VCF1: variants seen among roughly 807,000 people sequenced by gnomAD.
VCF1 encodes VCP nuclear cofactor family member 1.
At chr17:73,217,639 ACT>A in the VCF1 span, among the ~76,000 whole-genome samples, 1 of 149,906 alleles carries the variant, frequency 6.7e-6, no homozygotes, top group African/African-American at 2.5e-5. Flanking sequence ...ACAGAGTGAG[ACT>A]CTGCCTCAAA....
the VCF1 span, chr17:73,212,694 T>A: frequency 6.3e-7 from 1 of 1,597,048 alleles, no homozygotes. Flanking sequence ...GAACGCTTTG[T>A]TTCCTCTTAG....
chr17:73,227,514 ATTT>A, the VCF1 span: 6 of 704,684 alleles, frequency 8.5e-6, no homozygotes, highest in South Asian at 3.3e-4. Context: ...AAGCTTAACA[ATTT>A]TAAATGTCTG....
the VCF1 span, among the ~76,000 whole-genome samples, chr17:73,215,058 C>G: frequency 1.3e-5 from 2 of 152,188 alleles, no homozygotes; most frequent in African/African-American, 2.4e-5. Context: ...AATAAAAACC[C>G]CTTGCAGGTC....
the VCF1 span, among the ~76,000 whole-genome samples, chr17:73,219,482 T>C: frequency 1.3e-5 from 2 of 151,122 alleles, no homozygotes; most frequent in East Asian, 4.0e-4. Flanking sequence ...ACCCCGTCTC[T>C]ACTAAAAATA....
At chr17:73,211,230 T>TGTC in the VCF1 span, among the ~76,000 whole-genome samples, 1 of 151,958 alleles carries the variant, frequency 6.6e-6, no homozygotes, top group African/African-American at 2.4e-5. Context: ...CTGAGGCAGG[T>TGTC]GGACTGCTTG....
At chr17:73,214,990 T>C in the VCF1 span, among the ~76,000 whole-genome samples, 1 of 152,262 alleles carries the variant, frequency 6.6e-6, no homozygotes, top group African/African-American at 2.4e-5. Flanking sequence ...ACATGACATC[T>C]GACCAGGCTA....
the VCF1 span, chr17:73,207,742 A>ATTTC: frequency 7.7e-7 from 1 of 1,291,354 alleles, no homozygotes; most frequent in South Asian, 1.2e-5. Flanking sequence ...CCTCCTGGGT[A>ATTTC]TTTCTGAATT....
the VCF1 span, among the ~76,000 whole-genome samples, chr17:73,218,951 C>T: frequency 7.9e-5 from 12 of 151,814 alleles, no homozygotes; most frequent in African/African-American, 2.7e-4. Flanking sequence ...ACCTGGGAGG[C>T]GGAGCTTGCA....
At chr17:73,209,891 T>G in the VCF1 span, 2 of 1,405,332 alleles carry the variant, frequency 1.4e-6, no homozygotes, top group Non-Finnish European at 1.9e-6. Context: ...GATGAAGACA[T>G]ATACTGGGCT....
the VCF1 span, among the ~76,000 whole-genome samples, chr17:73,230,740 C>G: frequency 6.6e-6 from 1 of 152,188 alleles, no homozygotes; most frequent in Non-Finnish European, 1.5e-5. Flanking sequence ...GCAGAGCTGG[C>G]CCATCATACT....
At chr17:73,214,769 A>C in the VCF1 span, among the ~76,000 whole-genome samples, 1 of 152,212 alleles carries the variant, frequency 6.6e-6, no homozygotes, top group Non-Finnish European at 1.5e-5. Context: ...AGAAGTGTTT[A>C]CCTTGTCACA....
At chr17:73,210,032 G>A in the VCF1 span, among the ~76,000 whole-genome samples, 10 of 152,264 alleles carry the variant, frequency 6.6e-5, no homozygotes, top group East Asian at 1.9e-4. Context: ...GTTCAAGCAC[G>A]GGCTGCCTAA....
chr17:73,223,808 T>C, the VCF1 span, among the ~76,000 whole-genome samples: 15 of 150,180 alleles, frequency 1.0e-4, no homozygotes, highest in African/African-American at 3.4e-4. Context: ...AGCAAGACCC[T>C]GTCTCTACAA....
chr17:73,216,810 C>T, the VCF1 span, among the ~76,000 whole-genome samples: 1 of 152,112 alleles, frequency 6.6e-6, no homozygotes, highest in Non-Finnish European at 1.5e-5. Flanking sequence ...TCTGGTCTCT[C>T]AGCCAGGCCT....
the VCF1 span, among the ~76,000 whole-genome samples, chr17:73,230,435 T>C: frequency 6.6e-6 from 1 of 152,046 alleles, no homozygotes; most frequent in Admixed American, 6.6e-5. Flanking sequence ...AGTTTCGCTC[T>C]TGTTGCTCAG....
At chr17:73,209,438 G>A in the VCF1 span, 12 of 1,450,492 alleles carry the variant, frequency 8.3e-6, no homozygotes, top group Non-Finnish European at 9.3e-6. Context: ...CATTTTTCGT[G>A]TGCAATTTTT....
the VCF1 span, among the ~76,000 whole-genome samples, chr17:73,225,905 T>A: frequency 0.028 from 3,122 of 112,896 alleles, 76 homozygotes; most frequent in African/African-American, 0.062. Context: ...ATATATTTTT[T>A]TTTTTTTTTT....
the VCF1 span, among the ~76,000 whole-genome samples, chr17:73,221,758 G>T: frequency 6.6e-6 from 1 of 152,108 alleles, no homozygotes; most frequent in Admixed American, 6.6e-5. Context: ...CAGGTGGGCC[G>T]GGCGCGGTGG....
the VCF1 span, among the ~76,000 whole-genome samples, chr17:73,231,760 C>T: frequency 6.6e-5 from 10 of 152,130 alleles, no homozygotes; most frequent in Non-Finnish European, 1.5e-4. Context: ...TCCCCCCACC[C>T]TCCTAAATTT....
Sources: allele counts gnomAD v4.1 joint callset (sites outside exome capture counted in the v4.1 genomes callset), GRCh38; gene constraint gnomAD v4.1.1; transcripts MANE v1.5; gene names NCBI Gene and HGNC (gene_info 2026-07-23, HGNC 2026-07-21).